Variants in ESR1 observed in about 807,000 individuals in gnomAD.
The protein encoded by ESR1 is estrogen receptor 1.
Under a neutral mutation model 52.7 loss-of-function variants are expected in ESR1, and 12 were observed. That is an observed-to-expected ratio of 0.23 (90% CI 0.15 to 0.37). ESR1 has a LOEUF of 0.37. Ranked by LOEUF, ESR1 falls within the 10% of genes least tolerant of loss-of-function variation. ESR1 has a pLI of 1.00. For missense variants in ESR1, 584 were observed against 779.7 expected (o/e 0.75, Z 2.99); for synonymous variants, 305 against 316.8 (o/e 0.96, Z 0.39).
In ESR1 at chr6:151,876,204, G is replaced by C. The variant is rs144576025; in HGVS notation, c.644-4451G>C. Among the ~76,000 whole-genome samples the C allele has an allele frequency of 1.3e-3, 203 of 152,276 alleles. 1 individual carries two copies. The highest frequency in any genetic ancestry group is 4.4e-3 in the African/African-American group (184 of 41,548). On this transcript the variant is annotated intron_variant, in intron 2 of 7. Transcript: ENST00000206249. ...ATAATGCCCATGTTTCAGGCTTCACGTGCAGACATTTCTTGGTTCAGCTGG... is the reference window on the plus strand; with the variant it reads ...ATAATGCCCATGTTTCAGGCTTCACCTGCAGACATTTCTTGGTTCAGCTGG...
chr6:151,970,992 G>T (rs1446488386), intron 4 of ESR1, among the ~76,000 whole-genome samples: 2 of 152,116 alleles, frequency 1.3e-5, no homozygotes, highest in South Asian at 2.1e-4. Context: ...AGAGTTGTTT[G>T]TGGACATGCC....
chr6:151,955,499 A>G (rs1011053081), intron 4 of ESR1, among the ~76,000 whole-genome samples: 11 of 152,228 alleles, frequency 7.2e-5, no homozygotes, highest in African/African-American at 2.4e-4. Flanking sequence ...TATTAAATTC[A>G]TAGGGGATTT....
At chr6:151,880,516 A>T (rs1287483380) in intron 2 of ESR1, 139 bp from the exon 3 acceptor site, 1 of 737,816 alleles carries the variant, frequency 1.4e-6, no homozygotes, top group Non-Finnish European at 2.5e-6. Context: ...AGAAGGACAG[A>T]AAAAGGCAGG....
At chr6:152,118,179 T>C (rs1268525576) in intron 6 of ESR1, 2 of 152,204 alleles carry the variant, frequency 1.3e-5, no homozygotes, top group African/African-American at 4.8e-5. Context: ...CTAACAGCTT[T>C]AATCTCCCTT....
At position 151,791,095 on chromosome 6, in the gene ESR1, G is replaced by A. The variant is rs548193054; in HGVS notation, c.-70-16748G>A. 2.6e-5 allele frequency among the ~76,000 whole-genome samples: 4 copies of A among 152,266 alleles called. 1 individual carries two copies. In the South Asian group the frequency reaches 8.3e-4, roughly 32 times the overall value. ...TCCCAGACGGCTGGTCTGCTGCCAG[G>A]TGTGCAGTTTTAGGGGTCTCCACAC... On this transcript the variant is annotated intron_variant, in intron 2 of 2. Transcript: ENST00000404742.
chr6:151,860,216 G>A (rs1017511004), intron 2 of ESR1, among the ~76,000 whole-genome samples: 3 of 152,074 alleles, frequency 2.0e-5, no homozygotes, highest in African/African-American at 7.2e-5. Context: ...GATTACTGCA[G>A]TCAAGCTAAT....
At chr6:151,686,066 T>A (rs571922092), upstream of ESR1, among the ~76,000 whole-genome samples, 3 of 116,286 alleles carry the variant, frequency 2.6e-5, no homozygotes, top group Admixed American at 1.8e-4. Context: ...TTAAAACAAT[T>A]TTTTTTTTTT....
chr6:151,785,397 G>A (rs976698502), intron 2 of ESR1, among the ~76,000 whole-genome samples: 1 of 152,204 alleles, frequency 6.6e-6, no homozygotes, highest in African/African-American at 2.4e-5. Context: ...TGATGCTGTT[G>A]CCCTGGAGCC....
At chr6:151,827,191 G>T (rs1479552451) in intron 1 of ESR1, among the ~76,000 whole-genome samples, 1 of 151,922 alleles carries the variant, frequency 6.6e-6, no homozygotes, top group African/African-American at 2.4e-5. Flanking sequence ...AGCCAGATGT[G>T]GTAGCATGCA....
At chr6:151,897,135 T>C (rs570069244) in intron 3 of ESR1, among the ~76,000 whole-genome samples, 2 of 152,342 alleles carry the variant, frequency 1.3e-5, no homozygotes, top group African/African-American at 2.4e-5. Flanking sequence ...CATACGCTGA[T>C]GAATAGAATG....
At chr6:151,988,256 T>C (rs1403673812) in intron 4 of ESR1, among the ~76,000 whole-genome samples, 2 of 152,038 alleles carry the variant, frequency 1.3e-5, no homozygotes, top group East Asian at 1.9e-4. Context: ...CTGGGGGTGA[T>C]GGGAGACAGT....
downstream of ESR1, among the ~76,000 whole-genome samples, chr6:152,105,775 CTTTTTTT>C (rs71017522): frequency 1.3e-5 from 1 of 79,432 alleles, no homozygotes; most frequent in Non-Finnish European, 2.2e-5. Context: ...CAGTATGCAT[CTTTTTTT>C]TTTTTTTTTT....
chr6:151,965,821 A>G (rs965185478), intron 4 of ESR1, among the ~76,000 whole-genome samples: 4 of 145,750 alleles, frequency 2.7e-5, no homozygotes, highest in African/African-American at 5.1e-5. Context: ...TTTTAGGTTG[A>G]TAAGGTTTAT....
intron 2 of ESR1, among the ~76,000 whole-genome samples, chr6:151,711,244 T>C (rs1780585790): frequency 6.6e-6 from 1 of 151,212 alleles, no homozygotes; most frequent in Admixed American, 6.6e-5. Flanking sequence ...TTTTTTGAGA[T>C]GGAGTCTCAC....
intron 1 of ESR1, among the ~76,000 whole-genome samples, chr6:151,809,705 C>T (rs1179213384): frequency 2.6e-5 from 4 of 152,194 alleles, no homozygotes; most frequent in African/African-American, 9.7e-5. Context: ...GCATCTTCAG[C>T]CGCCTTGGAG....
At position 151,702,006 on chromosome 6, in the gene ESR1, G is replaced by T. The variant is rs1374168219; in HGVS notation, c.-71+1G>T. ...ATCTGAACTTTGAACCATCACTGAG[G>T]TATGTGTGAACATACTAGTTTCCTC... On this transcript the variant is annotated splice_donor_variant, in intron 2 of 2. Coordinates refer to the ESR1 transcript ENST00000404742. LOFTEE classifies it low-confidence loss of function (5UTR_SPLICE). The T allele has an allele frequency of 2.0e-5, 3 of 152,196 alleles. No homozygotes were observed. Among genetic ancestry groups the T allele is most frequent in the African/African-American group, 7.2e-5 (3 of 41,446 alleles). 9.4% of individuals were successfully genotyped at this position (152,196 alleles called of 1,614,324 possible). A position where few individuals can be genotyped will look rare whatever the true frequency, so the allele number is the denominator to read the frequency against.
At chr6:151,744,703 G>C (rs548990461) in intron 2 of ESR1, among the ~76,000 whole-genome samples, 6 of 152,240 alleles carry the variant, frequency 3.9e-5, no homozygotes, top group Admixed American at 2.6e-4. Flanking sequence ...ATGCACAAAA[G>C]TTTTTAGTTG....
intron 4 of ESR1, among the ~76,000 whole-genome samples, chr6:151,968,468 C>A (rs548991097): frequency 1.3e-5 from 2 of 152,314 alleles, no homozygotes; most frequent in South Asian, 4.1e-4. Context: ...AAGAAACCAT[C>A]ATCAGGGTGA....
At chr6:151,688,291 C>T (rs901376478), upstream of ESR1, among the ~76,000 whole-genome samples, 1 of 152,184 alleles carries the variant, frequency 6.6e-6, no homozygotes, top group African/African-American at 2.4e-5. Context: ...ATACAAAGCA[C>T]GTGTGTTCCC....
Sources: gnomAD v4.1 joint callset for allele counts (sites outside exome capture counted in the v4.1 genomes callset) on GRCh38, gnomAD v4.1.1 for gene constraint, MANE v1.5 for transcripts, NCBI Gene and HGNC (gene_info 2026-07-23, HGNC 2026-07-21) for gene names.